RSF1: variants seen among roughly 807,000 people sequenced by gnomAD.
The protein encoded by RSF1 is remodeling and spacing factor 1, also known as HBV pX-associated protein 8.
In RSF1, 13 loss-of-function variants were observed where a neutral mutation model predicts 145.2. That is an observed-to-expected ratio of 0.09 (90% CI 0.06 to 0.14). The LOEUF is 0.14. Ranked by LOEUF, RSF1 falls within the 10% of genes least tolerant of loss-of-function variation. RSF1 has a pLI of 1.00. For missense variants in RSF1, 1,517 were observed against 1,718.2 expected, an observed-to-expected ratio of 0.88 and a Z score of 2.07; for synonymous variants, 577 against 592.6, an observed-to-expected ratio of 0.97 and a Z score of 0.38.
intron 5 of RSF1, among the ~76,000 whole-genome samples, chr11:77,706,707 G>C: frequency 6.6e-6 from 1 of 151,852 alleles, no homozygotes; most frequent in East Asian, 1.9e-4. Flanking sequence ...TACGTACGCA[G>C]GTTTGTTATA....
intron 2 of RSF1, among the ~76,000 whole-genome samples, chr11:77,752,325 C>T (rs1948071334): frequency 6.6e-6 from 1 of 152,066 alleles, no homozygotes; most frequent in African/African-American, 2.4e-5. Flanking sequence ...TTTGTTAGCA[C>T]GTATACGGTA....
Position 77,701,431 on chromosome 11 carries a change from C to T in RSF1, c.1798G>A (p.Ala600Thr), listed in dbSNP as rs1439231460. 13 of 1,614,026 alleles carry T rather than the reference C, an allele frequency of 8.1e-6. No homozygotes were observed. Among genetic ancestry groups the T allele is most frequent in the South Asian group, 1.1e-5 (1 of 91,078 alleles). ...KSKKTFLDKD[A>T]QRLSPIPEEV... ...TCTGGTATTGGACTCAATCTTTGTG[C>T]GTCCTTATCAAGAAAAGTCTTTTTG... Residue 600 changes from alanine to threonine, a missense_variant, in exon 6 of 16, where the codon GCA (alanine) becomes ACA (threonine). This residue lies in a region of RSF1 where 579 missense variants were observed against 553.5 expected (regional missense o/e 1.05). Coordinates refer to ENST00000308488, the MANE Select transcript of RSF1 (RefSeq NM_016578.4).
At chr11:77,872,121 G>A in the RSF1 span, 51 of 1,569,302 alleles carry the variant, frequency 3.2e-5, 1 homozygote, top group Admixed American at 9.3e-5. Flanking sequence ...GGCAGTAAAG[G>A]AACCCCTGGG....
upstream of RSF1, among the ~76,000 whole-genome samples, chr11:77,822,667 A>G (rs1236672242): frequency 6.6e-6 from 1 of 152,178 alleles, no homozygotes; most frequent in African/African-American, 2.4e-5. Flanking sequence ...AAAATTCTAT[A>G]TTGTAAGAAG....
intron 1 of RSF1, among the ~76,000 whole-genome samples, chr11:77,783,451 CCTGT>C (rs1948424341): frequency 6.6e-6 from 1 of 152,096 alleles, no homozygotes; most frequent in African/African-American, 2.4e-5. Context: ...TCTGGTTTTA[CCTGT>C]CTGAAAAAGT....
At chr11:77,812,066 C>A (rs953429444) in intron 1 of RSF1, among the ~76,000 whole-genome samples, 2 of 151,982 alleles carry the variant, frequency 1.3e-5, no homozygotes, top group Admixed American at 6.5e-5. Context: ...TAGTCCCCAG[C>A]AACTTGAGAG....
Position 77,771,001 on chromosome 11 carries a change from T to C in RSF1, c.188-6312A>G, listed in dbSNP as rs145811131. Among the ~76,000 whole-genome samples, 967 of 152,322 alleles carry C rather than the reference T, an allele frequency of 6.3e-3. 2 individuals carry two copies. Among genetic ancestry groups the C allele is most frequent in the Non-Finnish European group, 0.01 (687 of 68,034 alleles). ...TAGTACTTGGGGCAATGGCTTCTAG[T>C]ATCAGATGTCTCCAGCTCCAATCAG... On this transcript the variant is annotated intron_variant, in intron 1 of 15. Transcript: ENST00000308488.
At chr11:77,741,249 T>C (rs1947932858) in intron 3 of RSF1, among the ~76,000 whole-genome samples, 1 of 152,124 alleles carries the variant, frequency 6.6e-6, no homozygotes, top group Admixed American at 6.5e-5. Flanking sequence ...TGGTATAAGA[T>C]TTTCTGTTTT....
At chr11:77,675,361 T>A in intron 13 of RSF1, 105 bp from the exon 14 acceptor site, 1 of 762,322 alleles carries the variant, frequency 1.3e-6, no homozygotes, top group Non-Finnish European at 2.1e-6. Flanking sequence ...TCATTAAGTA[T>A]AGTGCAACAT....
chr11:77,705,323 G>C (rs780460595), intron 5 of RSF1, among the ~76,000 whole-genome samples: 8 of 152,182 alleles, frequency 5.3e-5, no homozygotes, highest in Non-Finnish European at 1.2e-4. Flanking sequence ...TTGAAACACA[G>C]CATCACATTT....
the RSF1 span, among the ~76,000 whole-genome samples, chr11:77,835,739 C>T: frequency 5.3e-5 from 8 of 151,628 alleles, no homozygotes; most frequent in South Asian, 2.1e-4. Flanking sequence ...GCAAACATGG[C>T]GAAACCCTGT....
At chr11:77,862,175 T>A in the RSF1 span, among the ~76,000 whole-genome samples, 1 of 152,182 alleles carries the variant, frequency 6.6e-6, no homozygotes, top group African/African-American at 2.4e-5. Flanking sequence ...GGGTCTACAC[T>A]GGGAACTGCC....
At chr11:77,812,598 A>T (rs1250501609) in intron 1 of RSF1, among the ~76,000 whole-genome samples, 1 of 152,054 alleles carries the variant, frequency 6.6e-6, no homozygotes, top group Non-Finnish European at 1.5e-5. Context: ...TCTTAAAATC[A>T]GTTTGGGCTG....
At chr11:77,746,639 G>T (rs1021067002) in intron 3 of RSF1, among the ~76,000 whole-genome samples, 2 of 152,226 alleles carry the variant, frequency 1.3e-5, no homozygotes, top group South Asian at 4.2e-4. Flanking sequence ...AAATCAAGTT[G>T]GTTTGGTTAT....
intron 4 of RSF1, chr11:77,734,876 T>G (rs1961303193): frequency 1.3e-6 from 2 of 1,582,920 alleles, no homozygotes; most frequent in African/African-American, 2.7e-5. Flanking sequence ...TTGGCAAAGT[T>G]CTTCAAAGCC....
chr11:77,827,944 C>G, the RSF1 span, among the ~76,000 whole-genome samples: 1 of 152,116 alleles, frequency 6.6e-6, no homozygotes, highest in Non-Finnish European at 1.5e-5. Context: ...ACTCAAAAAT[C>G]CTGTGTTATT....
In RSF1 at chr11:77,776,413, A is replaced by G. The variant is rs1267780590; in HGVS notation, c.188-11724T>C. 1.3e-5 allele frequency among the ~76,000 whole-genome samples: 2 copies of G among 152,244 alleles called. 1 individual carries two copies. Among genetic ancestry groups the G allele is most frequent in the Middle Eastern group, 6.8e-3 (2 of 294 alleles). ...TATATTTTGTCTTTACTCCTTGCTA[A>G]TAAGTGATCAGCTCATACCTTTTTT... On this transcript the variant is annotated intron_variant, in intron 1 of 15. Coordinates refer to ENST00000308488, the MANE Select transcript of RSF1 (RefSeq NM_016578.4).
chr11:77,857,276 C>T, the RSF1 span, among the ~76,000 whole-genome samples: 4 of 152,126 alleles, frequency 2.6e-5, no homozygotes, highest in East Asian at 5.8e-4. Flanking sequence ...GTATTCATCA[C>T]AGAAAGTGGG....
In RSF1 at chr11:77,667,090, C is replaced by T. The variant is rs770551499; in HGVS notation, c.4153G>A (p.Gly1385Ser). 6.2e-7 allele frequency: 1 copy of T among 1,614,152 alleles called. No homozygotes were observed. The highest frequency in any genetic ancestry group is 1.1e-5 in the South Asian group (1 of 91,080). The part of the protein sequence containing the change: ...SPGKAIENLI[G>S]KPTEKSQTPK... The stretch of plus-strand genomic sequence containing the variant: ...GTCTGAGACTTCTCAGTAGGCTTGC[C>T]AATCAAGTTCTCAATGGCTTTGCCA... The change falls in exon 16 of 16, where the codon GGC (glycine) becomes AGC (serine). Residue 1385 changes from glycine (G) to serine (S), a missense_variant. By Grantham distance (56) the Gly-to-Ser change is moderately conservative (BLOSUM62 0). Transcript: ENST00000308488.
Sources: allele counts gnomAD v4.1 joint callset (sites outside exome capture counted in the v4.1 genomes callset), GRCh38; gene constraint gnomAD v4.1.1; regional missense constraint gnomAD v4.1.1; transcripts MANE v1.5; gene names NCBI Gene and HGNC (gene_info 2026-07-23, HGNC 2026-07-21).